The following COX5A variants were observed in gnomAD, a reference collection of about 807,000 sequenced individuals.
COX5A encodes cytochrome c oxidase subunit 5A.
Under a neutral mutation model 16.1 loss-of-function variants are expected in COX5A, and 6 were observed. The ratio of observed to expected loss-of-function variants is 0.37; its 90% confidence interval spans 0.20 to 0.73. COX5A has a LOEUF of 0.73. Among genes scored for constraint, COX5A ranks in the 30% least tolerant of loss-of-function variants. The pLI is 0.50. For missense variants in COX5A, 159 were observed against 194.9 expected (o/e 0.82, Z 1.10); for synonymous variants, 73 against 73.8 (o/e 0.99, Z 0.06).
At chr15:74,931,553 ATT>A (rs200291956) in intron 1 of COX5A, among the ~76,000 whole-genome samples, 159 of 138,392 alleles carry the variant, frequency 1.1e-3, no homozygotes, top group Admixed American at 1.7e-3. Flanking sequence ...AAGCATTTCC[ATT>A]TTTTTTTTTT....
chr15:74,936,729 C>T (rs2065392082), intron 1 of COX5A, among the ~76,000 whole-genome samples: 1 of 145,814 alleles, frequency 6.9e-6, no homozygotes, highest in South Asian at 2.2e-4. Context: ...CAGGTTCAAG[C>T]GATTCTTGTG....
chr15:74,935,074 C>A (rs1326765481), intron 1 of COX5A, among the ~76,000 whole-genome samples: 2 of 152,130 alleles, frequency 1.3e-5, no homozygotes, highest in African/African-American at 2.4e-5. Context: ...AAATAATCAA[C>A]CCTGACAGGC....
intron 1 of COX5A, among the ~76,000 whole-genome samples, chr15:74,937,332 A>C (rs1407928906): frequency 6.6e-6 from 1 of 152,208 alleles, no homozygotes; most frequent in African/African-American, 2.4e-5. Flanking sequence ...TATCTTCCGG[A>C]GATCAGGAAA....
chr15:74,924,187 C>T (rs972766398), intron 3 of COX5A, among the ~76,000 whole-genome samples: 4 of 151,516 alleles, frequency 2.6e-5, no homozygotes, highest in African/African-American at 7.3e-5. Flanking sequence ...TCTCAAAAAA[C>T]GAAACAAAAC....
chr15:74,923,292 C>T (rs1354659636), intron 4 of COX5A, among the ~76,000 whole-genome samples: 1 of 151,784 alleles, frequency 6.6e-6, no homozygotes, highest in African/African-American at 2.4e-5. Context: ...GTTGTGGTGG[C>T]ATGTGGCCTG....
chr15:74,930,961 G>A (rs897820118), intron 1 of COX5A, among the ~76,000 whole-genome samples: 3 of 128,332 alleles, frequency 2.3e-5, no homozygotes, highest in African/African-American at 5.8e-5. Flanking sequence ...AGCTTGCAGT[G>A]AGCAGAGATC....
intron 2 of COX5A, among the ~76,000 whole-genome samples, chr15:74,928,533 C>T (rs920853933): frequency 2.3e-4 from 35 of 152,050 alleles, no homozygotes; most frequent in Non-Finnish European, 8.8e-5. Flanking sequence ...TACAGGCGCC[C>T]GCCACCACGT....
intron 2 of COX5A, among the ~76,000 whole-genome samples, chr15:74,928,478 G>A (rs981350360): frequency 2.0e-5 from 3 of 151,730 alleles, no homozygotes; most frequent in African/African-American, 7.3e-5. Flanking sequence ...TCTGCCTCCC[G>A]GGTTCACGCC....
At chr15:74,925,317 T>C (rs1189157100) in intron 3 of COX5A, among the ~76,000 whole-genome samples, 2 of 151,944 alleles carry the variant, frequency 1.3e-5, no homozygotes, top group Non-Finnish European at 2.9e-5. Context: ...AAAAAATAAA[T>C]AAACTCAGAA....
intron 1 of COX5A, among the ~76,000 whole-genome samples, chr15:74,932,214 T>C (rs752941289): frequency 3.3e-5 from 5 of 152,228 alleles, no homozygotes; most frequent in Non-Finnish European, 7.3e-5. Flanking sequence ...TGTCTATTTA[T>C]AGAAATCATA....
intron 1 of COX5A, among the ~76,000 whole-genome samples, chr15:74,930,671 G>A (rs1332088971): frequency 6.7e-6 from 1 of 148,190 alleles, no homozygotes; most frequent in Non-Finnish European, 1.5e-5. Context: ...ACCAGCCCTG[G>A]CACCATTCAA....
Position 74,929,038 on chromosome 15 carries a change from C to T in COX5A, c.217+78G>A. On this transcript the variant is annotated intron_variant, in intron 2 of 4. Transcript: ENST00000322347. Reference sequence around the variant, plus strand: ...GTTTAAACAACGCATGTTTTCGAAACAGTTGCTCTCAATAAAGGAGCAGAA... The same window carrying T: ...GTTTAAACAACGCATGTTTTCGAAATAGTTGCTCTCAATAAAGGAGCAGAA... 4 of 1,016,532 alleles carry T rather than the reference C, an allele frequency of 3.9e-6. No individual in the cohort carries two copies. In the South Asian group the frequency reaches 5.3e-5, roughly 13 times the overall value. The allele number at this position is 1,016,532 out of a possible 1,614,324, so 63.0% of individuals were successfully genotyped here.
chr15:74,937,865 G>A, intron 1 of COX5A, 50 bp downstream of exon 1: 1 of 1,124,838 alleles, frequency 8.9e-7, no homozygotes, highest in East Asian at 3.2e-5. Context: ...CGGGGACCCA[G>A]GTCACCGCAA....
rs148865910 is a variant in COX5A, at chr15:74,926,811, C to T, written c.294G>A (p.Arg98=). The T allele has an allele frequency of 4.3e-6, 7 of 1,613,856 alleles. No individual in the cohort carries two copies. Among genetic ancestry groups the T allele is most frequent in the African/African-American group, 4.0e-5 (3 of 74,916 alleles). Residue 98 remains arginine, a synonymous_variant, in exon 3 of 5, where the codon CGG becomes CGA. Coordinates refer to ENST00000322347, the MANE Select transcript of COX5A (RefSeq NM_004255.4). ...IIDAALRACR[R]LNDFASTVRI... ...GAACTGTACTAGCAAAATCATTTAA[C>T]CGTCTGCATGCCCGCAAAGCAGCAT...
chr15:74,928,618 C>G (rs542092787), intron 2 of COX5A, among the ~76,000 whole-genome samples: 7 of 152,296 alleles, frequency 4.6e-5, no homozygotes, highest in Admixed American at 4.6e-4. Flanking sequence ...ATCTCCTGAC[C>G]TCGTGATCCG....
chr15:74,922,594 A>G (rs2065326072), intron 4 of COX5A, among the ~76,000 whole-genome samples: 1 of 151,622 alleles, frequency 6.6e-6, no homozygotes, highest in East Asian at 1.9e-4. Flanking sequence ...AACTCAAGCA[A>G]TCCTTCCACC....
At chr15:74,936,456 G>C (rs2065390495) in intron 1 of COX5A, among the ~76,000 whole-genome samples, 2 of 151,558 alleles carry the variant, frequency 1.3e-5, no homozygotes, top group Admixed American at 6.6e-5. Flanking sequence ...GGGAGGCTGA[G>C]GTGGGAGGAT....
At chr15:74,935,074 C>T (rs1326765481) in intron 1 of COX5A, among the ~76,000 whole-genome samples, 1 of 152,130 alleles carries the variant, frequency 6.6e-6, no homozygotes, top group Admixed American at 6.6e-5. Flanking sequence ...AAATAATCAA[C>T]CCTGACAGGC....
intron 4 of COX5A, 47 bp from the exon 5 acceptor site, chr15:74,920,489 A>C (rs1489771980): frequency 1.0e-5 from 7 of 676,056 alleles, no homozygotes; most frequent in Non-Finnish European, 1.8e-5. Context: ...ATAAAGAAAA[A>C]GTAGAAATCT....
Sources: gnomAD v4.1 joint callset for allele counts (sites outside exome capture counted in the v4.1 genomes callset) on GRCh38, gnomAD v4.1.1 for gene constraint, MANE v1.5 for transcripts, NCBI Gene and HGNC (gene_info 2026-07-23, HGNC 2026-07-21) for gene names.